Variants in ASIC2 observed in about 807,000 individuals in gnomAD.
The protein encoded by ASIC2 is acid sensing ion channel subunit 2.
A neutral mutation model predicts 57.3 loss-of-function variants in ASIC2; 25 were observed. The ratio of observed to expected loss-of-function variants is 0.44; its 90% CI spans 0.32 to 0.61. The LOEUF is 0.61. ASIC2 is among the 20% of genes least tolerant of loss of function. The probability of loss-of-function intolerance (pLI) is 0.06; values close to 1 mark genes in which losing one functional copy is unlikely to be tolerated. For synonymous variants in ASIC2, 319 were observed against 307.5 expected (o/e 1.04, Z -0.39); for missense variants, 641 against 738.1 (o/e 0.87, Z 1.52).
intron 1 of ASIC2, among the ~76,000 whole-genome samples, chr17:33,789,683 G>GTC (rs1911709960): frequency 6.6e-6 from 1 of 151,960 alleles, no homozygotes; most frequent in Non-Finnish European, 1.5e-5. Context: ...CTTTGTGTGT[G>GTC]TGTGTATTGA....
chr17:33,481,949 T>A (rs1181284195), intron 1 of ASIC2, among the ~76,000 whole-genome samples: 4 of 152,218 alleles, frequency 2.6e-5, no homozygotes, highest in African/African-American at 9.6e-5. Flanking sequence ...TTTATGCCGA[T>A]AGCACCTGTC....
At chr17:33,816,380 C>T (rs1014835817) in intron 1 of ASIC2, among the ~76,000 whole-genome samples, 26 of 152,300 alleles carry the variant, frequency 1.7e-4, no homozygotes, top group African/African-American at 5.5e-4. Flanking sequence ...AAAACCCACA[C>T]TGTTAATGTC....
chr17:33,049,545 T>G (rs890962881), intron 3 of ASIC2, among the ~76,000 whole-genome samples: 2 of 152,210 alleles, frequency 1.3e-5, no homozygotes, highest in African/African-American at 4.8e-5. Flanking sequence ...AGTTGTTACC[T>G]TAGATTTGAT....
chr17:34,106,732 T>C (rs1348607478), intron 1 of ASIC2, among the ~76,000 whole-genome samples: 2 of 152,234 alleles, frequency 1.3e-5, no homozygotes, highest in African/African-American at 4.8e-5. Context: ...CTAGTTCCTG[T>C]GTCCCTGTGA....
At chr17:34,108,447 T>C (rs918109810) in intron 1 of ASIC2, among the ~76,000 whole-genome samples, 2 of 152,192 alleles carry the variant, frequency 1.3e-5, no homozygotes, top group African/African-American at 4.8e-5. Context: ...AATATTTACT[T>C]TTATTGGTTT....
intron 1 of ASIC2, among the ~76,000 whole-genome samples, chr17:34,155,049 C>G (rs1426384128): frequency 6.6e-6 from 1 of 152,090 alleles, no homozygotes; most frequent in Non-Finnish European, 1.5e-5. Flanking sequence ...CCACATCCCC[C>G]TCCGCTTTTC....
intron 1 of ASIC2, chr17:33,533,330 A>G (rs1022473113): frequency 3.0e-5 from 4 of 131,630 alleles, no homozygotes; most frequent in African/African-American, 1.1e-4. Context: ...AAAGAAAGAA[A>G]GAAAGAAAGA....
chr17:33,886,920 A>G (rs1914841555), intron 1 of ASIC2, among the ~76,000 whole-genome samples: 1 of 151,328 alleles, frequency 6.6e-6, no homozygotes, highest in Non-Finnish European at 1.5e-5. Flanking sequence ...GCACTGAGGT[A>G]GATACCAAAG....
At chr17:33,066,170 G>T (rs956494109) in intron 3 of ASIC2, among the ~76,000 whole-genome samples, 2 of 152,214 alleles carry the variant, frequency 1.3e-5, no homozygotes, top group Non-Finnish European at 2.9e-5. Context: ...GAAGGCAAGG[G>T]CTTCATTGCT....
chr17:33,882,663 A>G (rs1166823421), intron 1 of ASIC2, among the ~76,000 whole-genome samples: 1 of 152,216 alleles, frequency 6.6e-6, no homozygotes, highest in African/African-American at 2.4e-5. Flanking sequence ...TGTTGGTGGG[A>G]CTGTAAACTA....
rs11870885 is a variant in ASIC2 at position 33,664,037 on chromosome 17, G to T, written c.555+491941C>A. Among the ~76,000 whole-genome samples the T allele has an allele frequency of 8.8e-3, 1,342 of 152,222 alleles. 15 individuals are homozygous for T. The highest frequency in any genetic ancestry group is 0.03 in the African/African-American group (1,240 of 41,528). The stretch of plus-strand genomic sequence containing the variant: ...GGGGTATTTTCCAAGCACCTCCTTT[G>T]AAATGCGTCCTATAAAATTCTCCAT... On this transcript the variant is annotated intron_variant, in intron 1 of 9. Coordinates refer to the ASIC2 transcript ENST00000359872.
At chr17:33,684,852 G>A (rs542121350) in intron 1 of ASIC2, among the ~76,000 whole-genome samples, 7 of 152,116 alleles carry the variant, frequency 4.6e-5, no homozygotes, top group South Asian at 2.1e-4. Flanking sequence ...CAAGAGCACC[G>A]TCTTGTGGGA....
At chr17:33,764,315 TA>T (rs575208109) in intron 1 of ASIC2, among the ~76,000 whole-genome samples, 8,566 of 110,844 alleles carry the variant, frequency 0.077, 284 homozygotes, top group South Asian at 0.1. Context: ...AGACTCTGTC[TA>T]AAAAAAAAAA....
At chr17:33,111,117 T>C (rs2141986321) in intron 2 of ASIC2, among the ~76,000 whole-genome samples, 1 of 152,252 alleles carries the variant, frequency 6.6e-6, no homozygotes, top group African/African-American at 2.4e-5. Context: ...TTCTCTTCTG[T>C]CTGACCTTCC....
intron 1 of ASIC2, among the ~76,000 whole-genome samples, chr17:33,167,352 A>T (rs1198122688): frequency 6.6e-6 from 1 of 152,148 alleles, no homozygotes; most frequent in African/African-American, 2.4e-5. Flanking sequence ...GCTAAGTCAC[A>T]GAGGTCCTGC....
intron 9 of ASIC2, among the ~76,000 whole-genome samples, chr17:33,015,284 G>T (rs1004136288): frequency 1.3e-5 from 2 of 152,214 alleles, no homozygotes; most frequent in African/African-American, 4.8e-5. Context: ...GCACCCATCA[G>T]CGAAGGCCTG....
At chr17:33,392,681 C>T (rs1909944501) in intron 1 of ASIC2, among the ~76,000 whole-genome samples, 1 of 152,156 alleles carries the variant, frequency 6.6e-6, no homozygotes, top group African/African-American at 2.4e-5. Flanking sequence ...TCACAGTGAG[C>T]TTGAAATTTG....
At chr17:33,900,901 G>C (rs1040161019) in intron 1 of ASIC2, among the ~76,000 whole-genome samples, 1 of 152,198 alleles carries the variant, frequency 6.6e-6, no homozygotes, top group Non-Finnish European at 1.5e-5. Context: ...CTTGGCTAAA[G>C]ACAGCAGGGT....
chr17:34,016,880 T>C (rs1906999085), intron 1 of ASIC2, among the ~76,000 whole-genome samples: 1 of 152,248 alleles, frequency 6.6e-6, no homozygotes, highest in Admixed American at 6.5e-5. Context: ...TTACAAAGCC[T>C]AAGATATTCA....
Sources: gnomAD v4.1 joint callset for allele counts (sites outside exome capture counted in the v4.1 genomes callset) on GRCh38, gnomAD v4.1.1 for gene constraint, MANE v1.5 for transcripts, NCBI Gene and HGNC (gene_info 2026-07-23, HGNC 2026-07-21) for gene names.